The following CDKL2 variants were observed in gnomAD, a reference collection of about 807,000 sequenced individuals.
CDKL2 encodes cyclin dependent kinase like 2.
CDKL2 carries 64 observed loss-of-function variants against 63.9 expected under a neutral mutation model. The ratio of observed to expected loss-of-function variants is 1.00; its 90% CI spans 0.82 to 1.23. The LOEUF (loss-of-function observed/expected upper bound fraction) is 1.23. Ranked by LOEUF, CDKL2 falls within the 50% of genes most tolerant of loss-of-function variation. The pLI is 0.00. For synonymous variants in CDKL2, 211 were observed against 229.2 expected (o/e 0.92, Z 0.72); for missense variants, 656 against 668.0 (o/e 0.98, Z 0.20).
chr4:75,592,689 C>T (rs1482926522), intron 10 of CDKL2, among the ~76,000 whole-genome samples: 1 of 152,184 alleles, frequency 6.6e-6, no homozygotes, highest in Non-Finnish European at 1.5e-5. Flanking sequence ...TATATCATAT[C>T]TCCCCCTAGC....
chr4:75,603,291 C>T (rs1228986100), intron 6 of CDKL2, among the ~76,000 whole-genome samples: 10 of 151,282 alleles, frequency 6.6e-5, no homozygotes, highest in South Asian at 2.1e-4. Flanking sequence ...TGAGCCACCG[C>T]GCCCGGCCAA....
chr4:75,603,742 AG>A, intron 6 of CDKL2, 74 bp downstream of exon 6: 3 of 933,432 alleles, frequency 3.2e-6, no homozygotes, highest in Non-Finnish European at 3.1e-6. Context: ...CAACTAGACA[AG>A]TAAAAAAAAA....
At chr4:75,619,419 A>G in intron 2 of CDKL2, among the ~76,000 whole-genome samples, 1 of 152,080 alleles carries the variant, frequency 6.6e-6, no homozygotes, top group East Asian at 1.9e-4. Flanking sequence ...CCAATAGTGA[A>G]AAAATTCACC....
At chr4:75,589,390 C>T (rs1207689955) in intron 12 of CDKL2, among the ~76,000 whole-genome samples, 5 of 148,576 alleles carry the variant, frequency 3.4e-5, no homozygotes, top group Admixed American at 6.7e-5. Flanking sequence ...CTGCAAGCTC[C>T]GCCTCCCGGG....
At chr4:75,629,938 C>CAAAAAAAAAAAAAAAAA (rs747587721) in intron 1 of CDKL2, 104 bp downstream of exon 1, 2 of 74,204 alleles carry the variant, frequency 2.7e-5, no homozygotes, top group Non-Finnish European at 5.0e-5. Context: ...AACTCCGTCT[C>CAAAAAAAAAAAAAAAAA]AAAAAAAAAA....
At chr4:75,597,648 C>T (rs1193944986) in intron 8 of CDKL2, among the ~76,000 whole-genome samples, 2 of 152,130 alleles carry the variant, frequency 1.3e-5, no homozygotes, top group Non-Finnish European at 2.9e-5. Context: ...AGAACAGATC[C>T]TGGGTAGTTC....
At chr4:75,628,432 T>A (rs1057292057) in intron 1 of CDKL2, among the ~76,000 whole-genome samples, 3 of 152,110 alleles carry the variant, frequency 2.0e-5, no homozygotes, top group African/African-American at 7.2e-5. Context: ...TTTTTACTCA[T>A]ATTATATGAC....
At chr4:75,619,555 T>A (rs1304098785) in intron 2 of CDKL2, among the ~76,000 whole-genome samples, 1 of 123,578 alleles carries the variant, frequency 8.1e-6, no homozygotes, top group Admixed American at 1.1e-4. Context: ...ACCTCCCACA[T>A]GGTGATGGGC....
At chr4:75,619,285 T>G (rs1303436628) in intron 2 of CDKL2, among the ~76,000 whole-genome samples, 2 of 152,020 alleles carry the variant, frequency 1.3e-5, no homozygotes, top group Non-Finnish European at 2.9e-5. Flanking sequence ...AAGCCCCACT[T>G]TTAGGGCTGA....
intron 2 of CDKL2, among the ~76,000 whole-genome samples, chr4:75,622,931 G>A (rs1296483485): frequency 6.6e-6 from 1 of 151,818 alleles, no homozygotes; most frequent in Non-Finnish European, 1.5e-5. Context: ...AGGGAAGATG[G>A]TCTTATAGAA....
intron 3 of CDKL2, among the ~76,000 whole-genome samples, chr4:75,612,720 CG>C (rs566833611): frequency 1.2e-3 from 180 of 152,308 alleles, no homozygotes; most frequent in African/African-American, 4.0e-3. Flanking sequence ...TATTTCACCC[CG>C]TAACAATTAT....
chr4:75,595,449 A>C (rs1728873212), intron 10 of CDKL2, among the ~76,000 whole-genome samples: 1 of 152,100 alleles, frequency 6.6e-6, no homozygotes, highest in African/African-American at 2.4e-5. Context: ...TCCTGGGCTC[A>C]AACTATCCTC....
intron 13 of CDKL2, among the ~76,000 whole-genome samples, chr4:75,579,780 C>T (rs928175681): frequency 6.6e-6 from 1 of 152,200 alleles, no homozygotes; most frequent in African/African-American, 2.4e-5. Flanking sequence ...GTAGTTTACA[C>T]GGTTTGTATG....
chr4:75,603,758 AAAG>A lies in CDKL2; in HGVS notation c.795+56_795+58del, dbSNP rs1203535111. ...AACTAGACAAGTAAAAAAAAAAAAA[AAAG>A]GTCTTGATAGTGCATAAATTCCCTG... On this transcript the variant is annotated intron_variant, in intron 6 of 13. Coordinates refer to ENST00000307465, the MANE Select transcript of CDKL2 (RefSeq NM_001330724.2). 20 of 1,282,860 alleles carry A rather than the reference AAAG, an allele frequency of 1.6e-5. No individual in the cohort carries two copies. The Admixed American group carries it at 1.6e-4, about 10-fold the overall frequency. The allele number at this position is 1,282,860 out of a possible 1,614,324, so 79.5% of individuals were successfully genotyped here. A position where few individuals can be genotyped will look rare whatever the true frequency, so the allele number is the denominator to read the frequency against.
At chr4:75,589,682 T>G (rs1311206398) in intron 12 of CDKL2, among the ~76,000 whole-genome samples, 1 of 152,146 alleles carries the variant, frequency 6.6e-6, no homozygotes, top group Non-Finnish European at 1.5e-5. Context: ...AATGTGAAAC[T>G]GTATATTCAC....
At chr4:75,591,691 A>G (rs1728721350) in intron 12 of CDKL2, 128 bp downstream of exon 12, 1 of 591,616 alleles carries the variant, frequency 1.7e-6, no homozygotes, top group African/African-American at 1.9e-5. Context: ...AACATTTGCA[A>G]GCAAAATGTT....
rs1239935026 is a variant in CDKL2, at chr4:75,614,303, C to T, written c.315G>A (p.Lys105=). The change falls in exon 3 of 14, where the codon AAG becomes AAA. Residue 105 remains lysine (K), a synonymous_variant. Coordinates refer to ENST00000307465, the MANE Select transcript of CDKL2 (RefSeq NM_001330724.2). ...TTCCATTAATAATCTGAAACAAATACTTTTGAACTACTTGGTAGTCTAGTC... is the reference window on the plus strand; with the variant it reads ...TTCCATTAATAATCTGAAACAAATATTTTTGAACTACTTGGTAGTCTAGTC... The part of the protein sequence containing the change: ...PNGLDYQVVQ[K]YLFQIINGIG... 6.2e-7 allele frequency: 1 copy of T among 1,609,408 alleles called. No homozygotes were observed.
In CDKL2 at chr4:75,605,555, T is replaced by C. The variant is rs1476833707; in HGVS notation, c.622A>G (p.Ile208Val). 1.9e-6 allele frequency: 3 copies of C among 1,611,382 alleles called. No individual in the cohort carries two copies. Among genetic ancestry groups the C allele is most frequent in the South Asian group, 2.2e-5 (2 of 91,020 alleles). The change falls in exon 5 of 14, where the codon ATT becomes GTT. Residue 208 changes from isoleucine (I) to valine (V), a missense_variant. By Grantham distance (29) the Ile-to-Val change is conservative. Coordinates refer to ENST00000307465, the MANE Select transcript of CDKL2 (RefSeq NM_001330724.2). ...GEPLFPGDSD[I>V]DQLYHIMMCL... ...ATCATAATATGATATAGCTGATCAA[T>C]ATCAGAATCTCCAGGAAATAGGGGT... is the stretch of plus-strand genomic sequence containing the variant.
chr4:75,616,841 A>C (rs1729950795), intron 2 of CDKL2, among the ~76,000 whole-genome samples: 1 of 152,194 alleles, frequency 6.6e-6, no homozygotes, highest in South Asian at 2.1e-4. Context: ...AGAAGCCATT[A>C]TCCTCAGCAA....
Sources: gnomAD v4.1 joint callset for allele counts (sites outside exome capture counted in the v4.1 genomes callset) on GRCh38, gnomAD v4.1.1 for gene constraint, MANE v1.5 for transcripts, NCBI Gene and HGNC (gene_info 2026-07-23, HGNC 2026-07-21) for gene names.